The following OR10A2 variants were observed in gnomAD, a reference collection of about 807,000 sequenced individuals.
OR10A2 encodes the protein olfactory receptor family 10 subfamily A member 2.
Under a neutral mutation model 13.7 loss-of-function variants are expected in OR10A2, and 15 were observed. The observed-to-expected ratio is 1.10, with a 90% CI of 0.73 to 1.69. OR10A2 has a LOEUF of 1.69. OR10A2 is among the 40% of genes most tolerant of loss of function. OR10A2 has a pLI of 0.00. For synonymous variants in OR10A2, 145 were observed against 144.7 expected, an observed-to-expected ratio of 1.00 and a Z score of -0.02; for missense variants, 343 against 361.1, an observed-to-expected ratio of 0.95 and a Z score of 0.41.
At position 6,870,214 on chromosome 11, in the gene OR10A2, C is replaced by A; in HGVS notation, c.460C>A (p.Pro154Thr). The change falls in exon 2 of 2, where the codon CCA (proline) becomes ACA (threonine). Residue 154 changes from proline (P) to threonine (T), a missense_variant. Coordinates refer to ENST00000641461, the MANE Select transcript of OR10A2 (RefSeq NM_001004460.2). Reference sequence around the variant, plus strand: ...GCAGACCACATGGCTCTTCAGTTTTCCATTCTGTGGCACCAACAAGGTGAA... The same window carrying A: ...GCAGACCACATGGCTCTTCAGTTTTACATTCTGTGGCACCAACAAGGTGAA... ...TVQTTWLFSFPFCGTNKVNHF... is the reference protein window; with the variant it reads ...TVQTTWLFSFTFCGTNKVNHF... 6.2e-7 allele frequency: 1 copy of A among 1,614,208 alleles called. No individual in the cohort carries two copies.
At chr11:6,867,048 G>C (rs1029147253) in intron 1 of OR10A2, among the ~76,000 whole-genome samples, 1 of 151,798 alleles carries the variant, frequency 6.6e-6, no homozygotes, top group Non-Finnish European at 1.5e-5. Context: ...AGTAACTTGG[G>C]TGTAATTTTT....
At position 6,870,073 on chromosome 11, in the gene OR10A2, T is replaced by C. The variant is rs780917600; in HGVS notation, c.319T>C (p.Tyr107His). 2 of 1,614,110 alleles carry C rather than the reference T, an allele frequency of 1.2e-6. No individual in the cohort carries two copies. Among genetic ancestry groups the C allele is most frequent in the East Asian group, 2.2e-5 (1 of 44,896 alleles). Residue 107 changes from tyrosine to histidine, a missense_variant, in exon 2 of 2, where the codon TAT becomes CAT. Tyr to His is a moderately conservative substitution (Grantham distance 83). Transcript: ENST00000641461. ...ATGCTTCCTCCTGGCTACCATGGCA[T>C]ATGACCGCTATGTGGCCATCTGCAG... Reference protein sequence around the residue: ...AECFLLATMAYDRYVAICSPL... With the variant: ...AECFLLATMAHDRYVAICSPL...
rs748970125 is a variant in OR10A2, at chr11:6,870,642, A to C, written c.888A>C (p.Leu296=). The C allele has an allele frequency of 6.3e-7, 1 of 1,591,004 alleles. No individual in the cohort carries two copies. The highest frequency in any genetic ancestry group is 1.8e-5 in the Admixed American group (1 of 56,284). The part of the protein sequence containing the change: ...NALSRTVSKA[L]ALRNCIP ...TCAGCAGGACGGTCTCTAAGGCCCTAGCCCTCAGAAACTGTATCCCATAGA... is the reference window on the plus strand; with the variant it reads ...TCAGCAGGACGGTCTCTAAGGCCCTCGCCCTCAGAAACTGTATCCCATAGA... The change falls in exon 2 of 2, where the codon CTA becomes CTC. Residue 296 remains leucine, a synonymous_variant. Coordinates refer to ENST00000641461, the MANE Select transcript of OR10A2 (RefSeq NM_001004460.2).
intron 1 of OR10A2, among the ~76,000 whole-genome samples, chr11:6,869,177 G>T (rs994165096): frequency 1.3e-5 from 2 of 152,184 alleles, no homozygotes; most frequent in African/African-American, 2.4e-5. Flanking sequence ...ACATGCATAT[G>T]TAAATGGTCC....
intron 1 of OR10A2, among the ~76,000 whole-genome samples, chr11:6,866,383 A>G (rs936378502): frequency 7.9e-5 from 12 of 152,196 alleles, no homozygotes; most frequent in African/African-American, 2.7e-4. Flanking sequence ...GTGGCCCAAC[A>G]CAAATTTGTA....
At chr11:6,865,341 G>C (rs1020852255) in intron 1 of OR10A2, among the ~76,000 whole-genome samples, 3 of 151,392 alleles carry the variant, frequency 2.0e-5, no homozygotes, top group African/African-American at 7.3e-5. Flanking sequence ...AAGTGTGCAG[G>C]CTGTGTTATT....
chr11:6,867,804 C>T (rs1178450803), intron 1 of OR10A2, among the ~76,000 whole-genome samples: 1 of 152,106 alleles, frequency 6.6e-6, no homozygotes, highest in Non-Finnish European at 1.5e-5. Flanking sequence ...GGCTGGAGTG[C>T]AGTGGCACAA....
At position 6,869,731 on chromosome 11, in the gene OR10A2, A is replaced by C; in HGVS notation, c.-24A>C. The C allele has an allele frequency of 6.3e-7, 1 of 1,599,166 alleles. No individual in the cohort carries two copies. The highest frequency in any genetic ancestry group is 8.6e-7 in the Non-Finnish European group (1 of 1,167,844). ...CACACTTATAGCTACAGGAAACTGG[A>C]CAAGAATAAGTGAGTTTATCCTCAT... is the stretch of plus-strand genomic sequence containing the variant. On this transcript the variant is annotated 5_prime_UTR_variant, in exon 2 of 2. Coordinates refer to ENST00000641461, the MANE Select transcript of OR10A2 (RefSeq NM_001004460.2).
At chr11:6,864,518 T>C (rs1232184266) in intron 1 of OR10A2, among the ~76,000 whole-genome samples, 1 of 152,136 alleles carries the variant, frequency 6.6e-6, no homozygotes, top group African/African-American at 2.4e-5. Context: ...GTGACATATA[T>C]ATTGGTAGTA....
rs115635227 is a variant in OR10A2, at chr11:6,864,064, G to C, written c.-133+713G>C. On this transcript the variant is annotated intron_variant, in intron 1 of 1. Transcript: ENST00000641461. ...TCCAATGTGGCCAGGGAAGCCAAAA[G>C]ATTGGACACCCCTGTTCTAGAGGAA... Among the ~76,000 whole-genome samples, 32 of 152,180 alleles carry C rather than the reference G, an allele frequency of 2.1e-4. 1 individual carries two copies. Among genetic ancestry groups the C allele is most frequent in the Non-Finnish European group, 3.4e-4 (23 of 68,024 alleles).
intron 1 of OR10A2, among the ~76,000 whole-genome samples, chr11:6,867,551 T>G (rs1027574821): frequency 1.3e-5 from 2 of 152,062 alleles, no homozygotes; most frequent in Admixed American, 1.3e-4. Context: ...TGAGAGTAAG[T>G]AATAAAGACA....
chr11:6,869,959 C>G lies in OR10A2; in HGVS notation c.205C>G (p.Leu69Val). The G allele has an allele frequency of 6.2e-7, 1 of 1,614,136 alleles. No individual in the cohort carries two copies. The highest frequency in any genetic ancestry group is 8.5e-7 in the Non-Finnish European group (1 of 1,179,972). ...GFNLVIVPKM[L>V]GTLLAQDTTI... ...CAACCTAGTCATTGTGCCCAAAATGCTGGGGACCCTGCTTGCCCAGGACAC... is the reference window on the plus strand; with the variant it reads ...CAACCTAGTCATTGTGCCCAAAATGGTGGGGACCCTGCTTGCCCAGGACAC... Residue 69 changes from leucine (L) to valine (V), a missense_variant, in exon 2 of 2, where the codon CTG becomes GTG. Leu to Val is a conservative substitution (Grantham distance 32). Coordinates refer to ENST00000641461, the MANE Select transcript of OR10A2 (RefSeq NM_001004460.2).
rs1458067072 is a variant in OR10A2, at chr11:6,870,133, A to G, written c.379A>G (p.Thr127Ala). The change falls in exon 2 of 2, where the codon ACT becomes GCT. Residue 127 changes from threonine to alanine, a missense_variant. Coordinates refer to ENST00000641461, the MANE Select transcript of OR10A2 (RefSeq NM_001004460.2). Reference sequence around the variant, plus strand: ...CTACCCAGTCATCATGAACCAAAGGACTCGTGCCAAACTGGCTGCTGCCTC... The same window carrying G: ...CTACCCAGTCATCATGAACCAAAGGGCTCGTGCCAAACTGGCTGCTGCCTC... ...LHYPVIMNQR[T>A]RAKLAAASWF... The G allele has an allele frequency of 1.2e-6, 2 of 1,614,004 alleles. No individual in the cohort carries two copies. Among genetic ancestry groups the G allele is most frequent in the East Asian group, 4.5e-5 (2 of 44,880 alleles).
intron 1 of OR10A2, among the ~76,000 whole-genome samples, chr11:6,867,020 GT>G (rs1227603182): frequency 6.6e-6 from 1 of 151,808 alleles, no homozygotes; most frequent in African/African-American, 2.4e-5. Context: ...TAATTGTTAT[GT>G]TTTCATAATT....
In OR10A2 at chr11:6,870,646, C is replaced by T. The variant is rs746070670; in HGVS notation, c.892C>T (p.Leu298Phe). The change falls in exon 2 of 2, where the codon CTC becomes TTC. Residue 298 changes from leucine to phenylalanine, a missense_variant. By Grantham distance (22) the Leu-to-Phe change is conservative. Coordinates refer to ENST00000641461, the MANE Select transcript of OR10A2 (RefSeq NM_001004460.2). ...LSRTVSKALA[L>F]RNCIP ...CAGGACGGTCTCTAAGGCCCTAGCC[C>T]TCAGAAACTGTATCCCATAGACCTT... 2 of 1,587,030 alleles carry T rather than the reference C, an allele frequency of 1.3e-6. No individual in the cohort carries two copies. The highest frequency in any genetic ancestry group is 4.5e-5 in the East Asian group (2 of 44,730).
intron 1 of OR10A2, among the ~76,000 whole-genome samples, chr11:6,869,419 G>A (rs1025138771): frequency 1.3e-5 from 2 of 152,124 alleles, no homozygotes; most frequent in Non-Finnish European, 1.5e-5. Flanking sequence ...ATCCTTTGAT[G>A]GACCCTTCAG....
intron 1 of OR10A2, among the ~76,000 whole-genome samples, chr11:6,865,013 TTAA>T (rs59010050): frequency 3.0e-5 from 2 of 67,302 alleles, no homozygotes; most frequent in Admixed American, 3.1e-4. Flanking sequence ...TAAATATATA[TTAA>T]ATATATATTT....
rs1309476182 is a variant in OR10A2 at position 6,874,625 on chromosome 11, T to G, written c.*3959T>G. ...TTCCAACACTTGCTGAAAAAACTAC[T>G]CAACTTATCTGTGTCTCAGATTCCT... On this transcript the variant is annotated 3_prime_UTR_variant, in exon 2 of 2. Coordinates refer to ENST00000641461, the MANE Select transcript of OR10A2 (RefSeq NM_001004460.2). 3 of 152,214 alleles carry G rather than the reference T, an allele frequency of 2.0e-5. No individual in the cohort carries two copies. Among genetic ancestry groups the G allele is most frequent in the African/African-American group, 7.2e-5 (3 of 41,460 alleles). The allele number at this position is 152,214 out of a possible 1,614,324, so 9.4% of individuals were successfully genotyped here. A position where few individuals can be genotyped will look rare whatever the true frequency, so the allele number is the denominator to read the frequency against.
intron 1 of OR10A2, among the ~76,000 whole-genome samples, chr11:6,864,770 T>C (rs1188478844): frequency 3.3e-5 from 5 of 151,906 alleles, no homozygotes; most frequent in African/African-American, 1.2e-4. Flanking sequence ...GAAGGAGAGA[T>C]GGATGTGGGA....
Sources: allele counts gnomAD v4.1 joint callset (sites outside exome capture counted in the v4.1 genomes callset), GRCh38; gene constraint gnomAD v4.1.1; transcripts MANE v1.5; gene names NCBI Gene and HGNC (gene_info 2026-07-23, HGNC 2026-07-21).